Variants in ADAM12 observed in about 807,000 individuals in gnomAD.
ADAM12 encodes ADAM metallopeptidase domain 12, also known as disintegrin and metalloproteinase domain-containing protein 12.
Under a neutral mutation model 106.4 loss-of-function variants are expected in ADAM12, and 70 were observed. The observed-to-expected ratio is 0.66, with a 90% CI of 0.54 to 0.80. ADAM12 has a LOEUF of 0.80. Ranked by LOEUF, ADAM12 falls within the 30% of genes least tolerant of loss-of-function variation. The pLI, the probability that ADAM12 is intolerant of heterozygous loss-of-function variation, is 0.00. For missense variants in ADAM12, 1,010 were observed against 1,171.9 expected (o/e 0.86, Z 2.02); for synonymous variants, 420 against 433.5 (o/e 0.97, Z 0.39).
chr10:126,292,022 T>C (rs1350743081), intron 2 of ADAM12, among the ~76,000 whole-genome samples: 1 of 151,914 alleles, frequency 6.6e-6, no homozygotes, highest in South Asian at 2.1e-4. Flanking sequence ...CAGCCAGTCA[T>C]GAAGCCCAGA....
chr10:126,169,829 C>T (rs984087859), intron 3 of ADAM12, among the ~76,000 whole-genome samples: 1 of 152,178 alleles, frequency 6.6e-6, no homozygotes, highest in African/African-American at 2.4e-5. Context: ...CCTTTGACTC[C>T]TTGGACACAC....
intron 3 of ADAM12, among the ~76,000 whole-genome samples, chr10:126,193,195 G>C (rs950401765): frequency 2.9e-5 from 4 of 140,076 alleles, no homozygotes; most frequent in African/African-American, 1.1e-4. Flanking sequence ...AACCCAGAAG[G>C]CAGAGGTTGC....
Position 126,053,798 on chromosome 10 carries a change from C to T in ADAM12, c.1610-4129G>A, listed in dbSNP as rs6597733. 0.023 allele frequency among the ~76,000 whole-genome samples: 3,545 copies of T among 151,278 alleles called. 125 individuals are homozygous for T. Among genetic ancestry groups the T allele is most frequent in the East Asian group, 0.11 (564 of 5,126 alleles). ...TCGGCTCACTGCAACCTCTGCCTCC[C>T]GGGTTCAAGCTATTCTCCTGCCTCA... On this transcript the variant is annotated intron_variant, in intron 14 of 22. Coordinates refer to ENST00000448723, the MANE Select transcript of ADAM12 (RefSeq NM_001288973.2). The surrounding 1 kb of genome is among the most constrained non-coding windows in gnomAD (Gnocchi z 4.6).
intron 3 of ADAM12, among the ~76,000 whole-genome samples, chr10:126,263,551 T>C (rs1017545892): frequency 5.9e-5 from 9 of 152,034 alleles, no homozygotes; most frequent in African/African-American, 2.2e-4. Context: ...TTTTATTCAA[T>C]ATGAACTAGA....
intron 2 of ADAM12, among the ~76,000 whole-genome samples, chr10:126,284,878 A>G (rs1480096229): frequency 6.6e-6 from 1 of 151,972 alleles, no homozygotes; most frequent in Non-Finnish European, 1.5e-5. Context: ...ATGCTCCCTT[A>G]CTCTCTTCAC....
chr10:126,109,793 G>C lies in ADAM12; in HGVS notation c.651C>G (p.Ile217Met). Residue 217 changes from isoleucine (I) to methionine (M), a missense_variant, in exon 7 of 23, where the codon ATC becomes ATG. Around this residue, in one of 3 missense-constraint regions of ADAM12, gnomAD observed 391 missense variants for 442.9 expected, o/e 0.88. Transcript: ENST00000448723. ...TTCTTACCTCTCGGTTGTCTGCCAC[G>C]ATCACCAGCTCCACATACTTAGTTG... The part of the protein sequence containing the change: ...LKATKYVELV[I>M]VADNREFQRQ... 1.2e-6 allele frequency: 2 copies of C among 1,611,990 alleles called. No homozygotes were observed. The highest frequency in any genetic ancestry group is 1.7e-6 in the Non-Finnish European group (2 of 1,179,428).
At chr10:126,361,994 G>T (rs1054840439) in intron 1 of ADAM12, among the ~76,000 whole-genome samples, 1 of 152,010 alleles carries the variant, frequency 6.6e-6, no homozygotes, top group African/African-American at 2.4e-5. Flanking sequence ...AGAATGAAGA[G>T]ACAATGTAAG....
chr10:126,075,513 G>A (rs1241777375), intron 11 of ADAM12, among the ~76,000 whole-genome samples: 1 of 152,162 alleles, frequency 6.6e-6, no homozygotes, highest in African/African-American at 2.4e-5. Flanking sequence ...GGCAAGCTAA[G>A]GGAACAGAAT....
At chr10:126,144,342 G>A (rs1241260558) in intron 4 of ADAM12, among the ~76,000 whole-genome samples, 2 of 152,120 alleles carry the variant, frequency 1.3e-5, no homozygotes, top group African/African-American at 2.4e-5. Flanking sequence ...ACATGACATG[G>A]GGACGCAATT....
At chr10:126,152,574 T>C (rs1216814719) in intron 4 of ADAM12, among the ~76,000 whole-genome samples, 3 of 151,808 alleles carry the variant, frequency 2.0e-5, no homozygotes, top group African/African-American at 7.3e-5. Flanking sequence ...TTTTGTTTTG[T>C]TTTGCTTTTT....
At chr10:126,298,933 T>G (rs1960495511) in intron 2 of ADAM12, among the ~76,000 whole-genome samples, 1 of 152,118 alleles carries the variant, frequency 6.6e-6, no homozygotes, top group Non-Finnish European at 1.5e-5. Flanking sequence ...ACATTAAAGG[T>G]GAAATAAAGA....
At chr10:126,063,564 C>T (rs1954803326) in intron 14 of ADAM12, among the ~76,000 whole-genome samples, 1 of 152,198 alleles carries the variant, frequency 6.6e-6, no homozygotes, top group Admixed American at 6.5e-5. Context: ...TTCTGCTTGG[C>T]TTTCAGCCTG....
chr10:126,321,039 T>C (rs1387314190), intron 2 of ADAM12, among the ~76,000 whole-genome samples: 3 of 152,214 alleles, frequency 2.0e-5, no homozygotes, highest in Admixed American at 1.3e-4. Flanking sequence ...TTGGGTCCCA[T>C]TCATCCTTGC....
intron 2 of ADAM12, among the ~76,000 whole-genome samples, chr10:126,288,455 T>C (rs940029565): frequency 1.3e-5 from 2 of 152,066 alleles, no homozygotes; most frequent in Non-Finnish European, 2.9e-5. Flanking sequence ...GCAGACAGGG[T>C]GAGGCGGCAG....
intron 2 of ADAM12, among the ~76,000 whole-genome samples, chr10:126,307,464 A>T (rs1475269485): frequency 6.6e-6 from 1 of 151,666 alleles, no homozygotes; most frequent in East Asian, 1.9e-4. Flanking sequence ...AGCGATTCTC[A>T]TGCCTCAGCC....
chr10:126,319,101 T>C (rs149924570), intron 2 of ADAM12, among the ~76,000 whole-genome samples: 44 of 152,230 alleles, frequency 2.9e-4, no homozygotes, highest in Middle Eastern at 3.4e-3. Flanking sequence ...TGCCAAACCA[T>C]ATCAATAACC....
chr10:126,032,354 C>A (rs12251249), intron 21 of ADAM12, among the ~76,000 whole-genome samples: 46,464 of 152,108 alleles, frequency 0.31, 7,504 homozygotes, highest in East Asian at 0.43. Flanking sequence ...GAGAAATCAC[C>A]CACTTAATCT....
intron 3 of ADAM12, among the ~76,000 whole-genome samples, chr10:126,234,571 G>A (rs1190845069): frequency 1.3e-5 from 2 of 152,216 alleles, no homozygotes; most frequent in Non-Finnish European, 2.9e-5. Context: ...TGGGTATGGA[G>A]GAGGATATGG....
At position 126,248,372 on chromosome 10, in the gene ADAM12, T is replaced by A. The variant is rs1263798582; in HGVS notation, c.260+30543A>T. Among the ~76,000 whole-genome samples the A allele has an allele frequency of 3.3e-5, 5 of 152,250 alleles. No individual in the cohort carries two copies. The East Asian group carries it at 9.6e-4, about 29-fold the overall frequency. ...TATAACAAACAACCATTTTTGTCTC[T>A]CCTTAGGCTTCTGACTCTCAACCAG... On this transcript the variant is annotated intron_variant, in intron 3 of 22. Coordinates refer to ENST00000448723, the MANE Select transcript of ADAM12 (RefSeq NM_001288973.2).
Sources: gnomAD v4.1 joint callset for allele counts (sites outside exome capture counted in the v4.1 genomes callset) on GRCh38, gnomAD v4.1.1 for gene constraint, gnomAD v4.1.1 regional missense constraint, Gnocchi (gnomAD v3.1) non-coding constraint, MANE v1.5 for transcripts, NCBI Gene and HGNC (gene_info 2026-07-23, HGNC 2026-07-21) for gene names.